CCAR1: variants seen among roughly 807,000 people sequenced by gnomAD.
CCAR1 encodes the protein cell division cycle and apoptosis regulator protein 1.
Under a neutral mutation model 163.8 loss-of-function variants are expected in CCAR1, and 78 were observed. The observed-to-expected ratio is 0.48, with a 90% CI of 0.40 to 0.57. The LOEUF is 0.57. Ranked by LOEUF, CCAR1 falls within the 20% of genes least tolerant of loss-of-function variation. The pLI is 0.00. For missense variants in CCAR1, 1,019 were observed against 1,365.2 expected (o/e 0.75, Z 4.00); for synonymous variants, 443 against 460.7 (o/e 0.96, Z 0.49).
intron 15 of CCAR1, among the ~76,000 whole-genome samples, chr10:68,758,269 G>A (rs539160923): frequency 2.0e-5 from 3 of 151,992 alleles, no homozygotes; most frequent in East Asian, 1.9e-4. Flanking sequence ...TGGTCAGGCC[G>A]GTCTCACACT....
At chr10:68,789,506 G>C (rs777000845) in intron 23 of CCAR1, among the ~76,000 whole-genome samples, 1 of 151,952 alleles carries the variant, frequency 6.6e-6, no homozygotes, top group Admixed American at 6.6e-5. Flanking sequence ...TCAAGCTGGC[G>C]CAACAGAGTG....
chr10:68,786,137 T>C lies in CCAR1; in HGVS notation c.2652T>C (p.Asp884=), dbSNP rs1271133537. 6.2e-7 allele frequency: 1 copy of C among 1,605,814 alleles called. No homozygotes were observed. The highest frequency in any genetic ancestry group is 1.3e-5 in the African/African-American group (1 of 74,698). The change falls in exon 20 of 25, where the codon GAT becomes GAC. Residue 884 remains aspartate, a splice_region_variant and synonymous_variant. Coordinates refer to ENST00000265872, the MANE Select transcript of CCAR1 (RefSeq NM_018237.4). Reference sequence around the variant, plus strand: ...GCCACTGTTATATTTATTTTACAGATAGGGATGAGGAAGAAATGACCAAAC... The same window carrying C: ...GCCACTGTTATATTTATTTTACAGACAGGGATGAGGAAGAAATGACCAAAC... ...EAEEAEDEED[D]RDEEEMTKRD... is the part of the protein sequence containing the mutation.
At chr10:68,725,649 C>T (rs1466918304) in intron 2 of CCAR1, among the ~76,000 whole-genome samples, 1 of 152,048 alleles carries the variant, frequency 6.6e-6, no homozygotes, top group Non-Finnish European at 1.5e-5. Flanking sequence ...TTTTGATTGT[C>T]TTTTAATTTG....
intron 6 of CCAR1, among the ~76,000 whole-genome samples, chr10:68,745,297 C>T (rs1026103037): frequency 6.6e-6 from 1 of 152,022 alleles, no homozygotes; most frequent in Non-Finnish European, 1.5e-5. Context: ...TGAGCCGCCA[C>T]GCCCGGCCCT....
chr10:68,747,182 C>G lies in CCAR1; in HGVS notation c.540C>G (p.Pro180=), dbSNP rs1258019728. The G allele has an allele frequency of 1.3e-6, 2 of 1,597,576 alleles. No individual in the cohort carries two copies. Among genetic ancestry groups the G allele is most frequent in the East Asian group, 2.2e-5 (1 of 44,652 alleles). The change falls in exon 7 of 25, where the codon CCC becomes CCG. Residue 180 remains proline (P), a synonymous_variant. Coordinates refer to ENST00000265872, the MANE Select transcript of CCAR1 (RefSeq NM_018237.4). ...FQLSAVKGKT[P]QVGDRVLVEA... is the part of the protein sequence containing the mutation. ...ACAGTGCTGTCAAAGGGAAAACCCC[C>G]CAAGTAGGTGACAGAGTATTGGTTG...
intron 2 of CCAR1, among the ~76,000 whole-genome samples, chr10:68,731,179 G>A (rs890070269): frequency 5.3e-5 from 8 of 152,172 alleles, no homozygotes; most frequent in Non-Finnish European, 1.5e-5. Flanking sequence ...ATCTTCAAAT[G>A]ACACGTGTTT....
In CCAR1 at chr10:68,749,196, AT is replaced by A. The variant is rs1357058356; in HGVS notation, c.888del (p.Pro298HisfsTer74). 6.2e-7 allele frequency: 1 copy of A among 1,613,570 alleles called. No individual in the cohort carries two copies. Among genetic ancestry groups the A allele is most frequent in the South Asian group, 1.1e-5 (1 of 90,892 alleles). ...VSQPQPARRL[D>X]PPSRFSGRND... ...CAGCCACAACCGGCACGACGATTAGATCCCCCATCCCGATTTTCAGGAAGAA... is the reference window on the plus strand; with the variant it reads ...CAGCCACAACCGGCACGACGATTAGACCCCCATCCCGATTTTCAGGAAGAA... On this transcript the variant is annotated frameshift_variant, in exon 9 of 25. Transcript: ENST00000265872.
intron 10 of CCAR1, among the ~76,000 whole-genome samples, chr10:68,751,968 G>A (rs1275902838): frequency 6.8e-6 from 1 of 146,406 alleles, no homozygotes; most frequent in East Asian, 2.0e-4. Flanking sequence ...CCAGGCTGGA[G>A]TGCAGTGGCT....
At chr10:68,790,991 C>A (rs1035867835) in intron 24 of CCAR1, among the ~76,000 whole-genome samples, 3 of 152,016 alleles carry the variant, frequency 2.0e-5, no homozygotes, top group African/African-American at 7.2e-5. Flanking sequence ...AGCCACCACA[C>A]CTGCCCCATT....
At chr10:68,743,839 C>T (rs2056217820) in intron 6 of CCAR1, among the ~76,000 whole-genome samples, 1 of 152,180 alleles carries the variant, frequency 6.6e-6, no homozygotes, top group Admixed American at 6.5e-5. Flanking sequence ...CAGCCTCCGC[C>T]TCCCAAGTTC....
intron 2 of CCAR1, among the ~76,000 whole-genome samples, chr10:68,727,324 A>G (rs1246693889): frequency 6.6e-6 from 1 of 151,960 alleles, no homozygotes; most frequent in Non-Finnish European, 1.5e-5. Flanking sequence ...CAATCCGCCC[A>G]TCGTGGCCTC....
chr10:68,753,733 G>A, intron 10 of CCAR1, 119 bp from the exon 11 acceptor site: 1 of 714,442 alleles, frequency 1.4e-6, no homozygotes, highest in Non-Finnish European at 2.4e-6. Context: ...ATTAGTAACT[G>A]ACTTTGTCTT....
At position 68,765,598 on chromosome 10, in the gene CCAR1, T is replaced by C. The variant is rs1041501274; in HGVS notation, c.2107-290T>C. On this transcript the variant is annotated intron_variant, in intron 16 of 24. Transcript: ENST00000265872. ...TGCTACCACTACTATTTTCCGAGAA[T>C]TTTCTAATTTATATAATCTCAATAT... 9.9e-5 allele frequency among the ~76,000 whole-genome samples: 15 copies of C among 152,274 alleles called. No homozygotes were observed. The South Asian group carries it at 2.7e-3, about 27-fold the overall frequency.
rs772501884 is a variant in CCAR1, at chr10:68,722,623, G to T, written c.73+46G>T. ...TACTGTAATTGTTTGTGGGGGACTT[G>T]TTAAAACTACGTGAATTAGGGCCGG... is the stretch of plus-strand genomic sequence containing the variant. On this transcript the variant is annotated intron_variant, in intron 2 of 24. Transcript: ENST00000265872. 8.3e-6 allele frequency: 12 copies of T among 1,454,408 alleles called. 1 individual carries two copies. In the South Asian group the frequency reaches 1.3e-4, roughly 15 times the overall value. The allele number at this position is 1,454,408 out of a possible 1,614,324, so 90.1% of individuals were successfully genotyped here. A position where few individuals can be genotyped will look rare whatever the true frequency, so the allele number is the denominator to read the frequency against.
At chr10:68,737,551 A>T (rs2056127670) in intron 3 of CCAR1, among the ~76,000 whole-genome samples, 1 of 151,826 alleles carries the variant, frequency 6.6e-6, no homozygotes, top group Non-Finnish European at 1.5e-5. Context: ...TAAGTCCTTA[A>T]ATTGGGCAGT....
At chr10:68,776,255 CTTTTT>C (rs557201705) in intron 19 of CCAR1, among the ~76,000 whole-genome samples, 4 of 139,274 alleles carry the variant, frequency 2.9e-5, no homozygotes, top group Non-Finnish European at 6.1e-5. Context: ...CTTTTCTTTT[CTTTTT>C]TTTTTTTAAG....
intron 10 of CCAR1, among the ~76,000 whole-genome samples, chr10:68,753,425 T>C (rs549226932): frequency 2.0e-5 from 3 of 152,196 alleles, no homozygotes; most frequent in African/African-American, 2.4e-5. Flanking sequence ...ATAAAAGTTA[T>C]AATTTTTCTA....
intron 2 of CCAR1, among the ~76,000 whole-genome samples, chr10:68,733,845 G>A (rs926023243): frequency 6.6e-6 from 1 of 151,908 alleles, no homozygotes; most frequent in African/African-American, 2.4e-5. Context: ...TATATTTTTG[G>A]TAGAGACAAG....
At chr10:68,753,434 T>G (rs2056359840) in intron 10 of CCAR1, among the ~76,000 whole-genome samples, 2 of 152,212 alleles carry the variant, frequency 1.3e-5, no homozygotes, top group African/African-American at 2.4e-5. Context: ...ATAATTTTTC[T>G]ACACTCAAAA....
Sources: gnomAD v4.1 joint callset for allele counts (sites outside exome capture counted in the v4.1 genomes callset) on GRCh38, gnomAD v4.1.1 for gene constraint, MANE v1.5 for transcripts, NCBI Gene and HGNC (gene_info 2026-07-23, HGNC 2026-07-21) for gene names.